ESRRB: variants seen among roughly 807,000 people sequenced by gnomAD.
The protein encoded by ESRRB is estrogen related receptor beta, also known as steroid hormone receptor ERR2.
A neutral mutation model predicts 46.0 loss-of-function variants in ESRRB; 16 were observed. The observed-to-expected ratio is 0.35, with a 90% CI of 0.24 to 0.53. The LOEUF (loss-of-function observed/expected upper bound fraction) is 0.53, where lower values mean the gene tolerates loss of function less well. Ranked by LOEUF, ESRRB falls within the 20% of genes least tolerant of loss-of-function variation. The pLI, the probability that ESRRB is intolerant of heterozygous loss-of-function variation, is 0.93. For missense variants in ESRRB, 488 were observed against 607.4 expected, an observed-to-expected ratio of 0.80 and a Z score of 2.07; for synonymous variants, 246 against 259.6, an observed-to-expected ratio of 0.95 and a Z score of 0.50.
intron 1 of ESRRB, among the ~76,000 whole-genome samples, chr14:76,404,865 G>T (rs902945152): frequency 6.6e-6 from 1 of 152,034 alleles, no homozygotes; most frequent in Non-Finnish European, 1.5e-5. Context: ...TATCTCTAAT[G>T]GTCATTCCCC....
chr14:76,492,216 T>G (rs561373396), intron 6 of ESRRB, among the ~76,000 whole-genome samples: 2 of 152,320 alleles, frequency 1.3e-5, no homozygotes, highest in East Asian at 3.9e-4. Flanking sequence ...CAGGTAGGAG[T>G]GCTGTGGCTT....
intron 1 of ESRRB, among the ~76,000 whole-genome samples, chr14:76,412,152 AAAG>A (rs768921051): frequency 1.3e-5 from 2 of 152,124 alleles, no homozygotes; most frequent in Non-Finnish European, 2.9e-5. Flanking sequence ...CGGGGCACAC[AAAG>A]AAGAACAGAC....
At chr14:76,375,815 G>A (rs1482489501), upstream of ESRRB, among the ~76,000 whole-genome samples, 4 of 152,138 alleles carry the variant, frequency 2.6e-5, no homozygotes, top group African/African-American at 9.7e-5. Context: ...TTAAAAGATG[G>A]GATAGGGGTG....
intron 1 of ESRRB, among the ~76,000 whole-genome samples, chr14:76,424,078 A>T (rs2139895684): frequency 6.6e-6 from 1 of 152,312 alleles, no homozygotes; most frequent in South Asian, 2.1e-4. Flanking sequence ...CTGCCGAGAT[A>T]TTTAGCGCCT....
chr14:76,451,842 A>G (rs180837837), intron 2 of ESRRB, among the ~76,000 whole-genome samples: 1 of 140,008 alleles, frequency 7.1e-6, no homozygotes, highest in East Asian at 2.1e-4. Flanking sequence ...TGTGTTGGCC[A>G]GGCTGATCTT....
In ESRRB at chr14:76,482,640, A is replaced by T; in HGVS notation, c.731A>T (p.Lys244Met). 6.2e-7 allele frequency: 1 copy of T among 1,614,116 alleles called. No individual in the cohort carries two copies. Among genetic ancestry groups the T allele is most frequent in the Non-Finnish European group, 8.5e-7 (1 of 1,180,002 alleles). Residue 244 changes from lysine to methionine, a missense_variant, in exon 5 of 7, where the codon AAG becomes ATG. Transcript: ENST00000644823. This position sits in a 1 kb window ranked among gnomAD's most constrained non-coding sequence, Gnocchi z 4.3. ...TACCTACTGGTGGCTGAGCCGGACAAGCTCTATGCCATGCCTCCCCCTGGT... is the reference window on the plus strand; with the variant it reads ...TACCTACTGGTGGCTGAGCCGGACATGCTCTATGCCATGCCTCCCCCTGGT... ...VSYLLVAEPD[K>M]LYAMPPPGMP...
At chr14:76,368,263 G>A (rs866999328), upstream of ESRRB, among the ~76,000 whole-genome samples, 1 of 151,254 alleles carries the variant, frequency 6.6e-6, no homozygotes, top group African/African-American at 2.4e-5. Flanking sequence ...ATGAGCCACT[G>A]AGCCCGGCCC....
Position 76,476,597 on chromosome 14 carries a change from T to C in ESRRB, c.578-5419T>C, listed in dbSNP as rs570454247. ...TGCCCATTGTATCAGTCAGTGAAAA[T>C]TGCTTTCTGCTGCAAGTTACGGAGA... On this transcript the variant is annotated intron_variant, in intron 3 of 6. Coordinates refer to ENST00000644823, the MANE Select transcript of ESRRB (RefSeq NM_001379180.1). Among the ~76,000 whole-genome samples, 123 of 152,330 alleles carry C rather than the reference T, an allele frequency of 8.1e-4. 1 individual carries two copies. The highest frequency in any genetic ancestry group is 3.4e-3 in the Middle Eastern group (1 of 294).
At chr14:76,334,224 G>A (rs983984528) in intron 1 of ESRRB, among the ~76,000 whole-genome samples, 8 of 152,170 alleles carry the variant, frequency 5.3e-5, no homozygotes, top group Admixed American at 6.5e-5. Context: ...CGAGGGGGAC[G>A]GAGGAGGCCA....
intron 5 of ESRRB, among the ~76,000 whole-genome samples, chr14:76,487,515 T>C (rs1201489477): frequency 1.3e-5 from 2 of 152,202 alleles, no homozygotes; most frequent in African/African-American, 4.8e-5. Flanking sequence ...CTTTTTTTTT[T>C]TCTATTTTGA....
intron 1 of ESRRB, among the ~76,000 whole-genome samples, chr14:76,335,034 T>C (rs562270301): frequency 6.6e-6 from 1 of 152,288 alleles, no homozygotes; most frequent in East Asian, 1.9e-4. Context: ...CTCACCTTGG[T>C]AGTACCTGGT....
intron 1 of ESRRB, among the ~76,000 whole-genome samples, chr14:76,323,678 C>T (rs941435473): frequency 2.0e-5 from 3 of 152,138 alleles, no homozygotes; most frequent in Non-Finnish European, 2.9e-5. Flanking sequence ...TTGGATGTGA[C>T]AGTAGTTGCT....
intron 1 of ESRRB, among the ~76,000 whole-genome samples, chr14:76,379,515 T>C (rs141488716): frequency 2.0e-5 from 3 of 152,302 alleles, no homozygotes; most frequent in African/African-American, 7.2e-5. Flanking sequence ...TAATGGTACA[T>C]TTAAAAATAA....
At chr14:76,310,978 T>TTCTC (rs68079657) in intron 1 of ESRRB, 19,038 of 357,888 alleles carry the variant, frequency 0.053, 334 homozygotes, top group African/African-American at 0.069. Flanking sequence ...TCTGTCCCCT[T>TTCTC]TCTCTCTCTC....
chr14:76,437,188 T>C (rs73318358), intron 1 of ESRRB, among the ~76,000 whole-genome samples: 12,789 of 152,130 alleles, frequency 0.084, 1,754 homozygotes, highest in African/African-American at 0.29. Flanking sequence ...GGCGCCACCA[T>C]GCCCGGATAA....
intron 1 of ESRRB, among the ~76,000 whole-genome samples, chr14:76,405,250 C>T (rs1003250930): frequency 3.9e-5 from 6 of 152,058 alleles, no homozygotes; most frequent in Non-Finnish European, 5.9e-5. Flanking sequence ...TACAGGCACA[C>T]ACCACTGCAC....
In ESRRB at chr14:76,498,890, G is replaced by A. The variant is rs775015387; in HGVS notation, c.*432G>A. ...CTGCTCAGGCTGGATACCACCTGGA[G>A]GTTTTCCTTCCGCAGAGGGCAGGTA... On this transcript the variant is annotated 3_prime_UTR_variant, in exon 7 of 7. Transcript: ENST00000644823. The A allele has an allele frequency of 1.9e-6, 1 of 535,880 alleles. No individual in the cohort carries two copies. The highest frequency in any genetic ancestry group is 1.4e-5 in the South Asian group (1 of 71,338). 33.2% of individuals were successfully genotyped at this position (535,880 alleles called of 1,614,324 possible). A position where few individuals can be genotyped will look rare whatever the true frequency, so the allele number is the denominator to read the frequency against.
chr14:76,324,778 T>C (rs569602887), intron 1 of ESRRB, among the ~76,000 whole-genome samples: 1 of 152,052 alleles, frequency 6.6e-6, no homozygotes, highest in East Asian at 1.9e-4. Flanking sequence ...AAGTAAGAAA[T>C]CGCCTCTTTC....
At chr14:76,384,113 G>C (rs1420392767) in intron 1 of ESRRB, among the ~76,000 whole-genome samples, 1 of 152,034 alleles carries the variant, frequency 6.6e-6, no homozygotes, top group Non-Finnish European at 1.5e-5. Flanking sequence ...ATTTCCTTTT[G>C]ATGGTGAAAC....
Sources: gnomAD v4.1 joint callset for allele counts (sites outside exome capture counted in the v4.1 genomes callset) on GRCh38, gnomAD v4.1.1 for gene constraint, Gnocchi (gnomAD v3.1) non-coding constraint, MANE v1.5 for transcripts, NCBI Gene and HGNC (gene_info 2026-07-23, HGNC 2026-07-21) for gene names.